The following HMGB4 variants were observed in gnomAD, a reference collection of about 807,000 sequenced individuals.
HMGB4 encodes high mobility group box 4, also known as high mobility group protein B4.
For synonymous variants in HMGB4, 82 were observed against 84.9 expected, an observed-to-expected ratio of 0.97 and a Z score of 0.19; for missense variants, 217 against 220.4, an observed-to-expected ratio of 0.98 and a Z score of 0.10.
chr1:33,860,576 G>C (rs577615193), upstream of HMGB4: 10 of 152,278 alleles, frequency 6.6e-5, no homozygotes, highest in East Asian at 1.9e-3. Context: ...ACACTGGAGA[G>C]GGGGAGTGCC....
At chr1:33,861,447 A>G (rs1458780342), upstream of HMGB4, 1 of 152,196 alleles carries the variant, frequency 6.6e-6, no homozygotes, top group Non-Finnish European at 1.5e-5. Context: ...CTCTAGACCA[A>G]TGCTCCTGCC....
Position 33,864,088 on chromosome 1 carries a change from A to T in HMGB4, c.-104A>T. On this transcript the variant is annotated 5_prime_UTR_variant, in exon 1 of 1. Transcript: ENST00000681531. ...TGACTACAGCTCTTGCAGACAGAAAAATTCGCTGCAAGTACAGCACTTTCT... is the reference window on the plus strand; with the variant it reads ...TGACTACAGCTCTTGCAGACAGAAATATTCGCTGCAAGTACAGCACTTTCT... 8.9e-7 allele frequency: 1 copy of T among 1,126,066 alleles called. No homozygotes were observed. Among genetic ancestry groups the T allele is most frequent in the Non-Finnish European group, 1.3e-6 (1 of 784,166 alleles). The allele number at this position is 1,126,066 out of a possible 1,614,324, so 69.8% of individuals were successfully genotyped here. A position where few individuals can be genotyped will look rare whatever the true frequency, so the allele number is the denominator to read the frequency against.
At chr1:33,860,980 A>AT (rs968670431), upstream of HMGB4, 1 of 152,176 alleles carries the variant, frequency 6.6e-6, no homozygotes, top group Non-Finnish European at 1.5e-5. Flanking sequence ...ACAAGTAGAA[A>AT]TTTTTTATCT....
upstream of HMGB4, among the ~76,000 whole-genome samples, chr1:33,862,004 T>A (rs1039096293): frequency 6.6e-6 from 1 of 152,100 alleles, no homozygotes. Context: ...GATCCTCTGA[T>A]GTGGCTCATA....
At position 33,864,572 on chromosome 1, in the gene HMGB4, A is replaced by G. The variant is rs748997244; in HGVS notation, c.381A>G (p.Thr127=). 1 of 1,614,056 alleles carries G rather than the reference A, an allele frequency of 6.2e-7. No individual in the cohort carries two copies. The highest frequency in any genetic ancestry group is 1.1e-5 in the South Asian group (1 of 91,082). The change falls in exon 1 of 1, where the codon ACA becomes ACG. Residue 127 remains threonine, a synonymous_variant. Transcript: ENST00000681531. The part of the protein sequence containing the change: ...NWSVVQVAKA[T]GKMWSTATDL... ...CGGTGGTGCAGGTGGCCAAGGCCAC[A>G]GGGAAGATGTGGTCAACAGCGACAG...
upstream of HMGB4, chr1:33,862,275 T>C (rs1176857946): frequency 6.6e-6 from 1 of 151,728 alleles, no homozygotes; most frequent in Non-Finnish European, 1.5e-5. Context: ...CCGATAGCTA[T>C]TGTGGGTTAA....
chr1:33,861,899 AT>A (rs1248127465), upstream of HMGB4, among the ~76,000 whole-genome samples: 2 of 151,780 alleles, frequency 1.3e-5, no homozygotes, highest in African/African-American at 4.8e-5. Flanking sequence ...TGGGGTGGGG[AT>A]CCAGGAGAAT....
In HMGB4 at chr1:33,864,381, G is replaced by A. The variant is rs780552620; in HGVS notation, c.190G>A (p.Ala64Thr). Residue 64 changes from alanine to threonine, a missense_variant, in exon 1 of 1, where the codon GCC (alanine) becomes ACC (threonine). By Grantham distance (58) the Ala-to-Thr change is moderately conservative (BLOSUM62 0). Transcript: ENST00000681531. ...TGAAAAGGCCAAATATGAAGCCCTG[G>A]CCAAACTCGACAAAGCCCGATACCA... ...KHEKAKYEAL[A>T]KLDKARYQEE... 31 of 1,613,966 alleles carry A rather than the reference G, an allele frequency of 1.9e-5. 1 individual carries two copies. In the Admixed American group the frequency reaches 3.7e-4, roughly 19 times the overall value.
chr1:33,862,138 C>T (rs1639566522), upstream of HMGB4: 1 of 152,156 alleles, frequency 6.6e-6, no homozygotes, highest in Non-Finnish European at 1.5e-5. Flanking sequence ...GATTTATTTA[C>T]CTTTCCTAAG....
upstream of HMGB4, chr1:33,863,854 T>C (rs1639738116): frequency 4.9e-6 from 1 of 205,160 alleles, no homozygotes; most frequent in Non-Finnish European, 9.7e-6. Context: ...GGAGAATTAT[T>C]TCTGGGGGAC....
rs1461946814 is a variant in HMGB4 at position 33,864,625 on chromosome 1, G to C, written c.434G>C (p.Arg145Thr). The change falls in exon 1 of 1, where the codon AGA becomes ACA. Residue 145 changes from arginine to threonine, a missense_variant. Physicochemically the swap from Arg to Thr is moderately conservative, Grantham distance 71. Coordinates refer to ENST00000681531, the MANE Select transcript of HMGB4 (RefSeq NM_001379301.1). ...CTGGAGAAGCACCCTTATGAGCAAA[G>C]AGTGGCTCTCCTGAGAGCTAAGTAC... ...TDLEKHPYEQ[R>T]VALLRAKYFE... The C allele has an allele frequency of 6.2e-7, 1 of 1,614,002 alleles. No homozygotes were observed. Among genetic ancestry groups the C allele is most frequent in the Non-Finnish European group, 8.5e-7 (1 of 1,180,018 alleles).
Position 33,864,484 on chromosome 1 carries a change from C to T in HMGB4, c.293C>T (p.Ser98Leu). 1 of 1,613,534 alleles carries T rather than the reference C, an allele frequency of 6.2e-7. No individual in the cohort carries two copies. Among genetic ancestry groups the T allele is most frequent in the South Asian group, 1.1e-5 (1 of 91,082 alleles). The change falls in exon 1 of 1, where the codon TCA becomes TTA. Residue 98 changes from serine to leucine, a missense_variant. Ser to Leu is a moderately radical substitution (Grantham distance 145). Coordinates refer to ENST00000681531, the MANE Select transcript of HMGB4 (RefSeq NM_001379301.1). ...CCCCAGGAACCCAGACGGCCTCCATCATCCTTCCTACTCTTCTGCCAAGAC... is the reference window on the plus strand; with the variant it reads ...CCCCAGGAACCCAGACGGCCTCCATTATCCTTCCTACTCTTCTGCCAAGAC... The part of the protein sequence containing the change: ...RDPQEPRRPP[S>L]SFLLFCQDHY...
rs371538613 is a variant in HMGB4 at position 33,864,618 on chromosome 1, G to T, written c.427G>T (p.Glu143Ter). 7 of 1,613,982 alleles carry T rather than the reference G, an allele frequency of 4.3e-6. No homozygotes were observed. The East Asian group carries it at 1.6e-4, about 36-fold the overall frequency. The change falls in exon 1 of 1, where the codon GAG becomes TAG. Residue 143 changes from glutamate (E) to a stop codon, truncating the protein, a stop_gained. Transcript: ENST00000681531. LOFTEE classifies it low-confidence loss of function (END_TRUNC). ...GACAGACCTGGAGAAGCACCCTTAT[G>T]AGCAAAGAGTGGCTCTCCTGAGAGC... is the stretch of plus-strand genomic sequence containing the variant. The part of the protein sequence containing the change: ...TATDLEKHPY[E>*]QRVALLRAKY...
upstream of HMGB4, chr1:33,861,368 G>C (rs1210194555): frequency 6.6e-6 from 1 of 152,204 alleles, no homozygotes; most frequent in East Asian, 1.9e-4. Context: ...TCGAGGTATA[G>C]TGGCAGAGCT....
Position 33,864,188 on chromosome 1 carries a change from G to T in HMGB4, c.-4G>T. On this transcript the variant is annotated 5_prime_UTR_variant, in exon 1 of 1. Coordinates refer to ENST00000681531, the MANE Select transcript of HMGB4 (RefSeq NM_001379301.1). ...GAATCCAGAAAAAAGGTGAACTTAC[G>T]AACATGGGAAAAGAAATCCAGCTAA... is the stretch of plus-strand genomic sequence containing the variant. The T allele has an allele frequency of 6.3e-7, 1 of 1,590,502 alleles. No individual in the cohort carries two copies. The highest frequency in any genetic ancestry group is 1.2e-5 in the South Asian group (1 of 86,332).
chr1:33,864,431 C>T lies in HMGB4; in HGVS notation c.240C>T (p.Gly80=), dbSNP rs753828423. The T allele has an allele frequency of 1.4e-5, 23 of 1,613,576 alleles. 1 individual carries two copies. In the Middle Eastern group the frequency reaches 8.3e-4, roughly 58 times the overall value. ...RYQEEMMNYV[G]KRKKRRKRDP... Reference sequence around the variant, plus strand: ...AGGAAGAAATGATGAATTATGTTGGCAAGAGGAAGAAACGGAGAAAGCGGG... The same window carrying T: ...AGGAAGAAATGATGAATTATGTTGGTAAGAGGAAGAAACGGAGAAAGCGGG... The change falls in exon 1 of 1, where the codon GGC becomes GGT. Residue 80 remains glycine (G), a synonymous_variant. Coordinates refer to ENST00000681531, the MANE Select transcript of HMGB4 (RefSeq NM_001379301.1).
In HMGB4 at chr1:33,864,170, G is replaced by GA. The variant is rs766743115; in HGVS notation, c.-16dup. On this transcript the variant is annotated 5_prime_UTR_variant, in exon 1 of 1. Transcript: ENST00000681531. ...TCTCCTGTCCACGTTACTGAATCCA[G>GA]AAAAAAGGTGAACTTACGAACATGG... is the stretch of plus-strand genomic sequence containing the variant. The GA allele has an allele frequency of 1.9e-6, 3 of 1,573,330 alleles. No individual in the cohort carries two copies. Among genetic ancestry groups the GA allele is most frequent in the Admixed American group, 1.9e-5 (1 of 53,146 alleles).
At chr1:33,861,270 A>G (rs946654902), upstream of HMGB4, 1 of 151,984 alleles carries the variant, frequency 6.6e-6, no homozygotes, top group Non-Finnish European at 1.5e-5. Context: ...CAGATTTACG[A>G]CCCCCAGCTT....
upstream of HMGB4, chr1:33,862,862 C>A (rs771122070): frequency 2.6e-5 from 4 of 152,206 alleles, no homozygotes; most frequent in Non-Finnish European, 5.9e-5. Flanking sequence ...CTTTCTTTTA[C>A]AGAAGATGAA....
Sources: allele counts gnomAD v4.1 joint callset (sites outside exome capture counted in the v4.1 genomes callset), GRCh38; gene constraint gnomAD v4.1.1; transcripts MANE v1.5; gene names NCBI Gene and HGNC (gene_info 2026-07-23, HGNC 2026-07-21).